The following NR4A1 variants were observed in gnomAD, a reference collection of about 807,000 sequenced individuals.
The protein encoded by NR4A1 is nuclear receptor subfamily 4immunitygroup A member 1.
Under a neutral mutation model 47.5 loss-of-function variants are expected in NR4A1, and 24 were observed. The observed-to-expected ratio is 0.50, with a 90% confidence interval of 0.37 to 0.71. The LOEUF (loss-of-function observed/expected upper bound fraction) is 0.71, where lower values mean the gene tolerates loss of function less well. Among genes scored for constraint, NR4A1 ranks in the 30% least tolerant of loss-of-function variants. NR4A1 has a pLI of 0.00. For missense variants in NR4A1, 669 were observed against 788.6 expected, an observed-to-expected ratio of 0.85 and a Z score of 1.82; for synonymous variants, 353 against 345.7, an observed-to-expected ratio of 1.02 and a Z score of -0.24.
rs776324881 is a variant in NR4A1, at chr12:52,058,772, T to C, written c.1625T>C (p.Val542Ala). Reference protein sequence around the residue: ...ASCLKEHVAAVAGEPQPASCL... With the variant: ...ASCLKEHVAAAAGEPQPASCL... Reference sequence around the variant, plus strand: ...TGCCTGAAGGAGCACGTGGCAGCTGTGGCGGGCGAGCCCCAGCCAGCCAGC... The same window carrying C: ...TGCCTGAAGGAGCACGTGGCAGCTGCGGCGGGCGAGCCCCAGCCAGCCAGC... Residue 542 changes from valine to alanine, a missense_variant, in exon 7 of 7, where the codon GTG becomes GCG. Physicochemically the swap from Val to Ala is moderately conservative, Grantham distance 64. Coordinates refer to ENST00000394825, the MANE Select transcript of NR4A1 (RefSeq NM_173157.3). 16 of 1,609,874 alleles carry C rather than the reference T, an allele frequency of 9.9e-6. No individual in the cohort carries two copies. Among genetic ancestry groups the C allele is most frequent in the Non-Finnish European group, 1.4e-5 (16 of 1,179,084 alleles).
At position 52,056,057 on chromosome 12, in the gene NR4A1, A is replaced by ATC; in HGVS notation, c.906_907dup (p.Cys303SerfsTer32). On this transcript the variant is annotated frameshift_variant, in exon 3 of 7. Coordinates refer to ENST00000394825, the MANE Select transcript of NR4A1 (RefSeq NM_173157.3). LOFTEE classifies it high-confidence loss of function. ...CACAGTGCAGAAAAACGCCAAGTAC[A>ATC]TCTGCCTGGCTAACAAGGACTGCCC... is the stretch of plus-strand genomic sequence containing the variant. 1 of 1,598,780 alleles carries ATC rather than the reference A, an allele frequency of 6.3e-7. No homozygotes were observed. The highest frequency in any genetic ancestry group is 8.5e-7 in the Non-Finnish European group (1 of 1,173,248).
upstream of NR4A1, among the ~76,000 whole-genome samples, chr12:52,048,886 C>A (rs1321594471): frequency 6.6e-6 from 1 of 151,806 alleles, no homozygotes; most frequent in Non-Finnish European, 1.5e-5. Flanking sequence ...TAAGCAAAAT[C>A]TTACGGAAAA....
chr12:52,054,877 C>G lies in NR4A1; in HGVS notation c.549C>G (p.Pro183=), dbSNP rs563213846. ...WTEQLPKASG[P]PQPPAFFSFS... ...AGCAGCTGCCCAAAGCCTCTGGGCC[C>G]CCACAGCCTCCAGCCTTCTTTTCCT... is the stretch of plus-strand genomic sequence containing the variant. The change falls in exon 2 of 7, where the codon CCC becomes CCG. Residue 183 remains proline (P), a synonymous_variant. Transcript: ENST00000394825. The G allele has an allele frequency of 2.8e-5, 46 of 1,614,118 alleles. No homozygotes were observed. In the African/African-American group the frequency reaches 5.6e-4, roughly 20 times the overall value.
intron 1 of NR4A1, chr12:52,053,956 C>T (rs1939108006): frequency 8.6e-6 from 2 of 233,164 alleles, no homozygotes; most frequent in South Asian, 1.0e-4. Flanking sequence ...ACCCTTCTCC[C>T]GGCCCCCACC....
chr12:52,057,642 G>C, intron 6 of NR4A1, 112 bp downstream of exon 6: 1 of 1,274,966 alleles, frequency 7.8e-7, no homozygotes, highest in Non-Finnish European at 1.1e-6. Flanking sequence ...AGCACTTTCT[G>C]GGCCCCTGCA....
At chr12:52,027,010 A>T (rs555916085) in intron 1 of NR4A1, among the ~76,000 whole-genome samples, 1 of 152,332 alleles carries the variant, frequency 6.6e-6, no homozygotes, top group South Asian at 2.1e-4. Flanking sequence ...CTGGCCAGGA[A>T]GTGAGAGGTG....
intron 2 of NR4A1, chr12:52,045,602 G>A (rs1176953164): frequency 4.5e-6 from 2 of 443,900 alleles, no homozygotes; most frequent in South Asian, 3.2e-5. Context: ...GCATTAGGCA[G>A]ATGAGGAAGC....
intron 1 of NR4A1, among the ~76,000 whole-genome samples, chr12:52,028,379 T>C (rs1331896214): frequency 2.7e-5 from 4 of 149,154 alleles, no homozygotes; most frequent in Admixed American, 1.3e-4. Flanking sequence ...ATCGAGACCA[T>C]CCTGGCCAAC....
intron 1 of NR4A1, chr12:52,037,364 G>A (rs60950139): frequency 3.0e-6 from 3 of 985,522 alleles, no homozygotes; most frequent in South Asian, 4.6e-5. Flanking sequence ...GCGCCCCTGC[G>A]GTGCAGAGCA....
chr12:52,052,305 G>GTGTGAGAGAGAT (rs1555168680), intron 1 of NR4A1, among the ~76,000 whole-genome samples: 1 of 111,600 alleles, frequency 9.0e-6, no homozygotes. Flanking sequence ...GTGTGTGTGT[G>GTGTGAGAGAGAT]AGAGAGAGAG....
At chr12:52,052,300 T>A (rs1406205241) in intron 1 of NR4A1, among the ~76,000 whole-genome samples, 17 of 135,658 alleles carry the variant, frequency 1.3e-4, no homozygotes, top group Middle Eastern at 3.6e-3. Flanking sequence ...TGTGTGTGTG[T>A]GTGTGAGAGA....
chr12:52,023,621 C>A (rs1328920666), intron 1 of NR4A1, among the ~76,000 whole-genome samples: 1 of 152,050 alleles, frequency 6.6e-6, no homozygotes, highest in African/African-American at 2.4e-5. Flanking sequence ...GCACTCTCAA[C>A]CCCTCACCCA....
chr12:52,052,508 C>G, intron 1 of NR4A1: 1 of 985,368 alleles, frequency 1.0e-6, no homozygotes, highest in Non-Finnish European at 1.2e-6. Flanking sequence ...AGGGTGCAGC[C>G]TGAGGCTTGT....
rs1404526997 is a variant in NR4A1 at position 52,034,995 on chromosome 12, A to G, written c.-83-6815A>G. Among the ~76,000 whole-genome samples the G allele has an allele frequency of 2.6e-5, 4 of 152,184 alleles. No homozygotes were observed. In the East Asian group the frequency reaches 7.7e-4, roughly 29 times the overall value. ...ATCATCTTTGTGTTTGAGGTGAGGA[A>G]ACTGAAGCCCAGAGAGGGCAAGTAA... On this transcript the variant is annotated intron_variant, in intron 1 of 7. Coordinates refer to the NR4A1 transcript ENST00000360284.
intron 1 of NR4A1, among the ~76,000 whole-genome samples, chr12:52,028,231 AAG>A (rs1702534201): frequency 7.3e-6 from 1 of 137,298 alleles, no homozygotes; most frequent in African/African-American, 2.7e-5. Flanking sequence ...AAAAAAAAAG[AAG>A]AGAGAAGTAT....
rs1324724806 is a variant in NR4A1, at chr12:52,054,838, G to A, written c.510G>A (p.Leu170=). 7.4e-6 allele frequency: 12 copies of A among 1,613,738 alleles called. No homozygotes were observed. Among genetic ancestry groups the A allele is most frequent in the Non-Finnish European group, 1.0e-5 (12 of 1,179,986 alleles). The part of the protein sequence containing the change: ...HFSPSQTYEG[L]RAWTEQLPKA... Reference sequence around the variant, plus strand: ...CGCCCAGCCAGACTTACGAAGGCCTGCGGGCATGGACAGAGCAGCTGCCCA... The same window carrying A: ...CGCCCAGCCAGACTTACGAAGGCCTACGGGCATGGACAGAGCAGCTGCCCA... Residue 170 remains leucine (L), a synonymous_variant, in exon 2 of 7, where the codon CTG becomes CTA. Transcript: ENST00000394825.
At chr12:52,023,778 C>T (rs10876228) in intron 1 of NR4A1, among the ~76,000 whole-genome samples, 41,596 of 152,070 alleles carry the variant, frequency 0.27, 5,986 homozygotes, top group East Asian at 0.51. Flanking sequence ...CCTGCCGAGC[C>T]GCTCCTCACA....
intron 1 of NR4A1, chr12:52,041,774 G>A: frequency 7.8e-7 from 1 of 1,276,896 alleles, no homozygotes; most frequent in African/African-American, 1.5e-5. Context: ...CCTGCTGGCT[G>A]GTTTCTCTTC....
In NR4A1 at chr12:52,054,406, G is replaced by C. The variant is rs1265964593; in HGVS notation, c.78G>C (p.Leu26=). The change falls in exon 2 of 7, where the codon CTG becomes CTC. Residue 26 remains leucine (L), a synonymous_variant. Coordinates refer to ENST00000394825, the MANE Select transcript of NR4A1 (RefSeq NM_173157.3). ...GTGACCACCTGGCAAGCGACCCCCT[G>C]ACCCCTGAGTTCATCAAGCCCACCA... ...GPRDHLASDP[L]TPEFIKPTMD... 6.2e-7 allele frequency: 1 copy of C among 1,613,480 alleles called. No homozygotes were observed. Among genetic ancestry groups the C allele is most frequent in the South Asian group, 1.1e-5 (1 of 91,022 alleles).
Sources: allele counts gnomAD v4.1 joint callset (sites outside exome capture counted in the v4.1 genomes callset), GRCh38; gene constraint gnomAD v4.1.1; transcripts MANE v1.5; gene names NCBI Gene and HGNC (gene_info 2026-07-23, HGNC 2026-07-21).